The following HERC1 variants were observed in gnomAD, a reference collection of about 807,000 sequenced individuals.
HERC1 encodes the protein HECT and RLD domain containing E3 ubiquitin protein ligase family member 1.
Under a neutral mutation model 554.3 loss-of-function variants are expected in HERC1, and 160 were observed. The observed-to-expected ratio is 0.29, with a 90% CI of 0.25 to 0.33. HERC1 has a LOEUF of 0.33. Among genes scored for constraint, HERC1 ranks in the 10% least tolerant of loss-of-function variants. The pLI, the probability that HERC1 is intolerant of heterozygous loss-of-function variation, is 1.00. For missense variants in HERC1, 4,919 were observed against 5,918.5 expected, an observed-to-expected ratio of 0.83 and a Z score of 5.54; for synonymous variants, 2,175 against 2,131.7, an observed-to-expected ratio of 1.02 and a Z score of -0.56.
In HERC1 at chr15:63,696,598, CAG is replaced by C. The variant is rs2072427666; in HGVS notation, c.4906-261_4906-260del. Among the ~76,000 whole-genome samples the C allele has an allele frequency of 3.9e-5, 6 of 152,224 alleles. No homozygotes were observed. The South Asian group carries it at 1.2e-3, about 32-fold the overall frequency. On this transcript the variant is annotated intron_variant, in intron 26 of 77. Coordinates refer to ENST00000443617, the MANE Select transcript of HERC1 (RefSeq NM_003922.4). Reference sequence around the variant, plus strand: ...GATGTAGGAGACATGGTTTCAAGGACAGACTCTTTTATCTTACTGTGTGGCCT... The same window carrying C: ...GATGTAGGAGACATGGTTTCAAGGACACTCTTTTATCTTACTGTGTGGCCT...
intron 1 of HERC1, among the ~76,000 whole-genome samples, chr15:63,779,318 T>C (rs2076210719): frequency 6.6e-6 from 1 of 152,106 alleles, no homozygotes; most frequent in African/African-American, 2.4e-5. Flanking sequence ...AGAAAAACTA[T>C]TATATTTCAA....
intron 19 of HERC1, 69 bp downstream of exon 19, chr15:63,723,113 T>C (rs750809461): frequency 1.6e-5 from 15 of 961,316 alleles, no homozygotes; most frequent in Non-Finnish European, 1.8e-5. Flanking sequence ...CACTTACATA[T>C]ATTGCATATA....
rs772110221 is a variant in HERC1, at chr15:63,774,932, C to A, written c.692G>T (p.Gly231Val). Residue 231 changes from glycine to valine, a missense_variant, in exon 2 of 78, where the codon GGA (glycine) becomes GTA (valine). By Grantham distance (109) the Gly-to-Val change is moderately radical. Coordinates refer to ENST00000443617, the MANE Select transcript of HERC1 (RefSeq NM_003922.4). ...CLSQVTTFLK[G>V]VTIPNSGADT... ...TGCCCCAGAATTAGGAATAGTGACTCCTTTAAGAAATGTTGTTACTTGCGA... is the reference window on the plus strand; with the variant it reads ...TGCCCCAGAATTAGGAATAGTGACTACTTTAAGAAATGTTGTTACTTGCGA... 25 of 1,613,874 alleles carry A rather than the reference C, an allele frequency of 1.5e-5. No individual in the cohort carries two copies. Among genetic ancestry groups the A allele is most frequent in the African/African-American group, 2.7e-5 (2 of 74,904 alleles).
At chr15:63,811,758 G>A (rs530481066) in intron 1 of HERC1, among the ~76,000 whole-genome samples, 2 of 144,918 alleles carry the variant, frequency 1.4e-5, no homozygotes, top group South Asian at 2.2e-4. Context: ...GCAGTGAGCC[G>A]AGATCGCGCC....
chr15:63,697,216 G>A (rs1269228205), intron 26 of HERC1, among the ~76,000 whole-genome samples: 1 of 151,814 alleles, frequency 6.6e-6, no homozygotes, highest in Non-Finnish European at 1.5e-5. Context: ...ATTGCATTTA[G>A]TTGCCATGAC....
chr15:63,717,523 C>T (rs1334856736), intron 21 of HERC1, among the ~76,000 whole-genome samples: 1 of 152,182 alleles, frequency 6.6e-6, no homozygotes, highest in African/African-American at 2.4e-5. Context: ...GAAATTATCT[C>T]CTTTTTGCTG....
In HERC1 at chr15:63,775,493, T is replaced by C. The variant is rs570728689; in HGVS notation, c.131A>G (p.Asn44Ser). The change falls in exon 2 of 78, where the codon AAT (asparagine) becomes AGT (serine). Residue 44 changes from asparagine to serine, a missense_variant. Around this residue, in one of 11 missense-constraint regions of HERC1, gnomAD observed 110 missense variants for 99.3 expected, o/e 1.11. Transcript: ENST00000443617. The surrounding 1 kb of genome is among the most constrained non-coding windows in gnomAD (Gnocchi z 4.0). ...VAVLYSKLVSNKEVVPLPQQV... is the reference protein window; with the variant it reads ...VAVLYSKLVSSKEVVPLPQQV... The stretch of plus-strand genomic sequence containing the variant: ...TTGGGGCAAAGGTACTACTTCCTTA[T>C]TGCTAACCAGTTTAGAATACAGAAC... 21 of 1,614,030 alleles carry C rather than the reference T, an allele frequency of 1.3e-5. No individual in the cohort carries two copies. In the Admixed American group the frequency reaches 1.8e-4, roughly 14 times the overall value.
In HERC1 at chr15:63,612,644, C is replaced by A. The variant is rs1386891729; in HGVS notation, c.14095-88G>T. ...CTGTGGGGCTAGGCGCCTCCTGATG[C>A]CTGCTCGTCCGCTCCCCAGACCCTC... On this transcript the variant is annotated intron_variant, in intron 76 of 77. Transcript: ENST00000443617. The surrounding 1 kb of genome is among the most constrained non-coding windows in gnomAD (Gnocchi z 5.0). 1.2e-5 allele frequency: 15 copies of A among 1,288,078 alleles called. No homozygotes were observed. The East Asian group carries it at 3.3e-4, about 29-fold the overall frequency. The allele number at this position is 1,288,078 out of a possible 1,614,324, so 79.8% of individuals were successfully genotyped here. A position where few individuals can be genotyped will look rare whatever the true frequency, so the allele number is the denominator to read the frequency against.
chr15:63,668,899 G>A (rs1042803326), intron 40 of HERC1, among the ~76,000 whole-genome samples: 5 of 152,122 alleles, frequency 3.3e-5, no homozygotes, highest in African/African-American at 9.7e-5. Context: ...AGAAGACTTG[G>A]ACAACAGTAT....
chr15:63,654,003 C>T (rs1305490336), intron 51 of HERC1, 116 bp downstream of exon 51: 11 of 739,872 alleles, frequency 1.5e-5, no homozygotes, highest in South Asian at 4.9e-5. Flanking sequence ...TGTATGTGTA[C>T]GTGTGAAAGA....
chr15:63,824,788 C>A (rs1372914685), intron 1 of HERC1, among the ~76,000 whole-genome samples: 1 of 146,418 alleles, frequency 6.8e-6, no homozygotes, highest in Non-Finnish European at 1.5e-5. Context: ...CTGCCATTTA[C>A]AACAAAACAA....
At chr15:63,830,266 A>T (rs889713816) in intron 1 of HERC1, among the ~76,000 whole-genome samples, 9 of 152,228 alleles carry the variant, frequency 5.9e-5, no homozygotes, top group African/African-American at 1.9e-4. Context: ...TGTCAACACC[A>T]TGTACCCCCA....
chr15:63,779,047 TAAA>T (rs771393760), intron 1 of HERC1, among the ~76,000 whole-genome samples: 2 of 151,812 alleles, frequency 1.3e-5, no homozygotes, highest in African/African-American at 2.4e-5. Flanking sequence ...GAATGAATTA[TAAA>T]AGTGTTCAAG....
Position 63,747,101 on chromosome 15 carries a change from T to C in HERC1, c.2355-18A>G. 1 of 1,582,586 alleles carries C rather than the reference T, an allele frequency of 6.3e-7. No homozygotes were observed. Among genetic ancestry groups the C allele is most frequent in the Non-Finnish European group, 8.6e-7 (1 of 1,163,874 alleles). The stretch of plus-strand genomic sequence containing the variant: ...GGTGTTCTCTGAAACCAAATAAACG[T>C]CTATGAATTCTCGGATCATAAAAGT... On this transcript the variant is annotated intron_variant, in intron 11 of 77. Transcript: ENST00000443617.
In HERC1 at chr15:63,650,781, T is replaced by C. The variant is rs2069635588; in HGVS notation, c.10546+472A>G. ...TCACACAGAAGTTATTCCTCAAATA[T>C]GTGACACAGAACACCTATTCCTCAA... On this transcript the variant is annotated intron_variant, in intron 53 of 77. Coordinates refer to ENST00000443617, the MANE Select transcript of HERC1 (RefSeq NM_003922.4). Among the ~76,000 whole-genome samples, 3 of 152,174 alleles carry C rather than the reference T, an allele frequency of 2.0e-5. 1 individual carries two copies. The South Asian group carries it at 6.2e-4, about 31-fold the overall frequency.
At chr15:63,752,042 C>A (rs943280028) in intron 8 of HERC1, among the ~76,000 whole-genome samples, 58 of 152,154 alleles carry the variant, frequency 3.8e-4, no homozygotes, top group African/African-American at 1.3e-3. Flanking sequence ...ACATAAGCAT[C>A]TTCTAACTTC....
intron 33 of HERC1, among the ~76,000 whole-genome samples, chr15:63,687,749 T>C (rs1301025434): frequency 6.6e-6 from 1 of 152,114 alleles, no homozygotes; most frequent in Non-Finnish European, 1.5e-5. Context: ...TTAAAGCAGG[T>C]GACACGACAA....
At chr15:63,827,716 T>TA (rs1374146403) in intron 1 of HERC1, among the ~76,000 whole-genome samples, 1 of 152,258 alleles carries the variant, frequency 6.6e-6, no homozygotes, top group East Asian at 1.9e-4. Context: ...GCATTATTCA[T>TA]AACAGCTAAG....
At position 63,732,904 on chromosome 15, in the gene HERC1, A is replaced by G. The variant is rs1596096640; in HGVS notation, c.2868+20T>C. 1 of 1,475,172 alleles carries G rather than the reference A, an allele frequency of 6.8e-7. No homozygotes were observed. Among genetic ancestry groups the G allele is most frequent in the Admixed American group, 1.7e-5 (1 of 57,942 alleles). The allele number at this position is 1,475,172 out of a possible 1,614,324, so 91.4% of individuals were successfully genotyped here. On this transcript the variant is annotated intron_variant, in intron 14 of 77. Coordinates refer to ENST00000443617, the MANE Select transcript of HERC1 (RefSeq NM_003922.4). Reference sequence around the variant, plus strand: ...CCTACCCCTTTATTCTTTTTTTACTACAATGAAAGAACAACTTACTGTATA... The same window carrying G: ...CCTACCCCTTTATTCTTTTTTTACTGCAATGAAAGAACAACTTACTGTATA...
Sources: allele counts gnomAD v4.1 joint callset (sites outside exome capture counted in the v4.1 genomes callset), GRCh38; gene constraint gnomAD v4.1.1; regional missense constraint gnomAD v4.1.1; non-coding constraint Gnocchi (gnomAD v3.1); transcripts MANE v1.5; gene names NCBI Gene and HGNC (gene_info 2026-07-23, HGNC 2026-07-21).